GDAP2: variants seen among roughly 807,000 people sequenced by gnomAD.
GDAP2 encodes ganglioside-induced differentiation-associated protein 2.
Under a neutral mutation model 67.0 loss-of-function variants are expected in GDAP2, and 51 were observed. The observed-to-expected ratio is 0.76, with a 90% CI of 0.61 to 0.96. GDAP2 has a LOEUF of 0.96. GDAP2 is among the 40% of genes least tolerant of loss of function. GDAP2 has a pLI of 0.00. For synonymous variants in GDAP2, 203 were observed against 207.3 expected (o/e 0.98, Z 0.18); for missense variants, 547 against 588.3 (o/e 0.93, Z 0.73).
At chr1:117,921,826 G>A (rs1216342701) in intron 1 of GDAP2, among the ~76,000 whole-genome samples, 1 of 152,176 alleles carries the variant, frequency 6.6e-6, no homozygotes, top group Admixed American at 6.6e-5. Flanking sequence ...GAAAATGACT[G>A]CAATAATTTA....
chr1:117,919,517 C>A (rs1007145392), intron 2 of GDAP2, among the ~76,000 whole-genome samples: 18 of 151,932 alleles, frequency 1.2e-4, no homozygotes, highest in African/African-American at 4.4e-4. Flanking sequence ...TCTGTAGAGA[C>A]AAGAAAGTAG....
chr1:117,881,719 C>A, intron 12 of GDAP2, 104 bp downstream of exon 12: 1 of 731,650 alleles, frequency 1.4e-6, no homozygotes, highest in South Asian at 1.6e-5. Flanking sequence ...AATTAGCAGT[C>A]ACAATGGTGA....
At chr1:117,919,882 G>T (rs1432146030) in intron 2 of GDAP2, among the ~76,000 whole-genome samples, 1 of 152,016 alleles carries the variant, frequency 6.6e-6, no homozygotes, top group East Asian at 1.9e-4. Context: ...CTTGGGGATG[G>T]GGAGGGAGGG....
Position 117,865,230 on chromosome 1 carries a change from C to A in GDAP2, c.*5339G>T, listed in dbSNP as rs1442131028. ...TTAACTTTGGTAATTAGAGAAAGACCTCATGTAAATGGTCAAAAAATAATG... is the reference window on the plus strand; with the variant it reads ...TTAACTTTGGTAATTAGAGAAAGACATCATGTAAATGGTCAAAAAATAATG... On this transcript the variant is annotated 3_prime_UTR_variant, in exon 14 of 14. Transcript: ENST00000369443. 2.0e-5 allele frequency: 3 copies of A among 152,034 alleles called. No homozygotes were observed. The highest frequency in any genetic ancestry group is 4.4e-5 in the Non-Finnish European group (3 of 67,996). 9.4% of individuals were successfully genotyped at this position (152,034 alleles called of 1,614,324 possible). A position where few individuals can be genotyped will look rare whatever the true frequency, so the allele number is the denominator to read the frequency against.
chr1:117,869,781 T>C lies in GDAP2; in HGVS notation c.*788A>G, dbSNP rs533249616. 6.5e-6 allele frequency: 1 copy of C among 152,740 alleles called. No homozygotes were observed. Among genetic ancestry groups the C allele is most frequent in the South Asian group, 2.1e-4 (1 of 4,828 alleles). The allele number at this position is 152,740 out of a possible 1,614,324, so 9.5% of individuals were successfully genotyped here. On this transcript the variant is annotated 3_prime_UTR_variant, in exon 14 of 14. Transcript: ENST00000369443. ...TCTGGAAGACAACACACTCTCTAAA[T>C]GCTCACTGCTGGAGTCTTGGAAGAT... is the stretch of plus-strand genomic sequence containing the variant.
rs1206722412 is a variant in GDAP2, at chr1:117,920,254, T to C, written c.104A>G (p.Glu35Gly). 6.2e-7 allele frequency: 1 copy of C among 1,607,454 alleles called. No individual in the cohort carries two copies. The highest frequency in any genetic ancestry group is 2.2e-5 in the East Asian group (1 of 44,814). ...DELNSSDTTA[E>G]IFQEDTVRSP... The stretch of plus-strand genomic sequence containing the variant: ...TCGAACAGTGTCTTCCTGAAATATT[T>C]CAGCTGTAGTATCAGAGGAATTTAA... The change falls in exon 2 of 14, where the codon GAA becomes GGA. Residue 35 changes from glutamate to glycine, a missense_variant. Physicochemically the swap from Glu to Gly is moderately conservative, Grantham distance 98. Coordinates refer to ENST00000369443, the MANE Select transcript of GDAP2 (RefSeq NM_017686.4).
At chr1:117,911,071 G>T (rs1287345325) in intron 5 of GDAP2, among the ~76,000 whole-genome samples, 1 of 152,142 alleles carries the variant, frequency 6.6e-6, no homozygotes, top group Non-Finnish European at 1.5e-5. Context: ...TTTGAAGATG[G>T]ACATCATATT....
chr1:117,908,470 T>A (rs1649734478), intron 5 of GDAP2, among the ~76,000 whole-genome samples: 1 of 152,064 alleles, frequency 6.6e-6, no homozygotes, highest in South Asian at 2.1e-4. Flanking sequence ...AGATGACAAA[T>A]TTACTTTTTA....
intron 1 of GDAP2, among the ~76,000 whole-genome samples, chr1:117,928,146 T>C (rs1372987950): frequency 6.6e-6 from 1 of 152,192 alleles, no homozygotes; most frequent in Admixed American, 6.5e-5. Context: ...CAAGATTTTA[T>C]TTAACTCAAA....
rs148921280 is a variant in GDAP2 at position 117,875,521 on chromosome 1, C to T, written c.1446+2488G>A. Among the ~76,000 whole-genome samples the T allele has an allele frequency of 9.9e-3, 1,511 of 152,316 alleles. 19 individuals carry two copies. Among genetic ancestry groups the T allele is most frequent in the African/African-American group, 0.035 (1,455 of 41,580 alleles). The stretch of plus-strand genomic sequence containing the variant: ...CACCTCCAGGCAGTCCTCACTGGGG[C>T]ACTGCCTAGTGGAGCTGTGGGGTTG... On this transcript the variant is annotated intron_variant, in intron 13 of 13. Coordinates refer to ENST00000369443, the MANE Select transcript of GDAP2 (RefSeq NM_017686.4).
intron 11 of GDAP2, among the ~76,000 whole-genome samples, chr1:117,882,538 C>T (rs1648690358): frequency 6.6e-6 from 1 of 152,110 alleles, no homozygotes; most frequent in South Asian, 2.1e-4. Flanking sequence ...ATTTTTTCAA[C>T]AGTTCAGTAA....
chr1:117,877,810 A>T (rs1414488827), intron 13 of GDAP2, 199 bp downstream of exon 13: 1 of 1,261,398 alleles, frequency 7.9e-7, no homozygotes, highest in South Asian at 3.3e-5. Flanking sequence ...GTTTATCTGG[A>T]GAAAATGCCT....
intron 5 of GDAP2, among the ~76,000 whole-genome samples, chr1:117,910,067 T>C (rs1329130746): frequency 6.6e-6 from 1 of 152,108 alleles, no homozygotes; most frequent in African/African-American, 2.4e-5. Flanking sequence ...GGGAGGAATT[T>C]TGCTTTCGTT....
intron 8 of GDAP2, among the ~76,000 whole-genome samples, chr1:117,895,154 C>G (rs1278719387): frequency 6.6e-6 from 1 of 152,100 alleles, no homozygotes; most frequent in East Asian, 1.9e-4. Context: ...GTTTGAGATT[C>G]TGCATTACAA....
intron 1 of GDAP2, among the ~76,000 whole-genome samples, chr1:117,927,987 C>T (rs1358169826): frequency 6.6e-6 from 1 of 152,124 alleles, no homozygotes; most frequent in Non-Finnish European, 1.5e-5. Flanking sequence ...ATTACCTTAC[C>T]ACTCACAGTT....
chr1:117,872,204 C>T (rs186038131), intron 13 of GDAP2, among the ~76,000 whole-genome samples: 13 of 152,092 alleles, frequency 8.5e-5, no homozygotes, highest in South Asian at 2.1e-4. Context: ...ATGCTGGTGA[C>T]GGTACGGAGA....
chr1:117,903,301 C>A (rs1649545371), intron 6 of GDAP2, among the ~76,000 whole-genome samples: 1 of 152,052 alleles, frequency 6.6e-6, no homozygotes, highest in African/African-American at 2.4e-5. Context: ...ACTAGAAACT[C>A]TAGTAAAATG....
In GDAP2 at chr1:117,928,344, A is replaced by G. The variant is rs76567546; in HGVS notation, c.-68+1104T>C. On this transcript the variant is annotated intron_variant, in intron 1 of 13. Coordinates refer to ENST00000369443, the MANE Select transcript of GDAP2 (RefSeq NM_017686.4). Reference sequence around the variant, plus strand: ...TACGTAACTGAAAAATAGCTTTTTTAGAATTAGTTATTCCAAGGGGTGTTA... The same window carrying G: ...TACGTAACTGAAAAATAGCTTTTTTGGAATTAGTTATTCCAAGGGGTGTTA... Among the ~76,000 whole-genome samples the G allele has an allele frequency of 5.1e-3, 777 of 152,344 alleles. 6 individuals are homozygous for G. The highest frequency in any genetic ancestry group is 0.017 in the African/African-American group (721 of 41,574).
chr1:117,908,391 C>T (rs183882009), intron 5 of GDAP2, among the ~76,000 whole-genome samples: 95 of 152,280 alleles, frequency 6.2e-4, no homozygotes, highest in African/African-American at 2.2e-3. Context: ...AACACTGTAT[C>T]TCAAGAACCT....
Sources: allele counts gnomAD v4.1 joint callset (sites outside exome capture counted in the v4.1 genomes callset), GRCh38; gene constraint gnomAD v4.1.1; transcripts MANE v1.5; gene names NCBI Gene and HGNC (gene_info 2026-07-23, HGNC 2026-07-21).